The following SLC9A2 variants were observed in gnomAD, a reference collection of about 807,000 sequenced individuals.
SLC9A2 encodes the protein solute carrier family 9 member A2.
A neutral mutation model predicts 71.7 loss-of-function variants in SLC9A2; 42 were observed. The observed-to-expected ratio is 0.59, with a 90% CI of 0.46 to 0.76. The LOEUF (loss-of-function observed/expected upper bound fraction) is 0.76, where lower values mean the gene tolerates loss of function less well. SLC9A2 is among the 30% of genes least tolerant of loss of function. The pLI, the probability that SLC9A2 is intolerant of heterozygous loss-of-function variation, is 0.00. For synonymous variants in SLC9A2, 396 were observed against 392.5 expected (o/e 1.01, Z -0.10); for missense variants, 829 against 1,017.4 (o/e 0.81, Z 2.52).
intron 1 of SLC9A2, among the ~76,000 whole-genome samples, chr2:102,631,997 T>G (rs11123939): frequency 0.2 from 4,348 of 21,550 alleles, 759 homozygotes; most frequent in African/African-American, 0.55. Context: ...AAAGTGGGGA[T>G]ATATATATAT....
At position 102,709,050 on chromosome 2, in the gene SLC9A2, A is replaced by T. The variant is rs1197353742; in HGVS notation, c.*561A>T. On this transcript the variant is annotated 3_prime_UTR_variant, in exon 12 of 12. Coordinates refer to ENST00000233969, the MANE Select transcript of SLC9A2 (RefSeq NM_003048.6). ...TGGAAGCAGAGACACCTTATGACTC[A>T]AACTGGGCAAACAATCGGAACGTCA... is the stretch of plus-strand genomic sequence containing the variant. 1 of 153,496 alleles carries T rather than the reference A, an allele frequency of 6.5e-6. No homozygotes were observed. Among genetic ancestry groups the T allele is most frequent in the East Asian group, 1.9e-4 (1 of 5,334 alleles). 9.5% of individuals were successfully genotyped at this position (153,496 alleles called of 1,614,324 possible).
intron 1 of SLC9A2, among the ~76,000 whole-genome samples, chr2:102,650,319 G>C (rs781255576): frequency 6.6e-6 from 1 of 151,962 alleles, no homozygotes; most frequent in Non-Finnish European, 1.5e-5. Context: ...ACTGGGGCCT[G>C]TTGGTGGGGT....
intron 1 of SLC9A2, among the ~76,000 whole-genome samples, chr2:102,648,386 A>G (rs1198058940): frequency 6.6e-6 from 1 of 152,228 alleles, no homozygotes; most frequent in Non-Finnish European, 1.5e-5. Flanking sequence ...AGCCAATATC[A>G]TACTGAAAGG....
rs1283766713 is a variant in SLC9A2, at chr2:102,623,061, CTT to C, written c.289+2928_289+2929del. On this transcript the variant is annotated intron_variant, in intron 1 of 11. Coordinates refer to ENST00000233969, the MANE Select transcript of SLC9A2 (RefSeq NM_003048.6). ...GGTGTATTTGTCTCTCCACTAGCAT[CTT>C]TTTAGCCCAGATATGTTTATATTTC... is the stretch of plus-strand genomic sequence containing the variant. Among the ~76,000 whole-genome samples, 48 of 152,304 alleles carry C rather than the reference CTT, an allele frequency of 3.2e-4. 1 individual carries two copies. Among genetic ancestry groups the C allele is most frequent in the African/African-American group, 1.1e-3 (46 of 41,558 alleles).
intron 2 of SLC9A2, among the ~76,000 whole-genome samples, chr2:102,659,760 T>A (rs1677017137): frequency 6.6e-6 from 1 of 152,188 alleles, no homozygotes; most frequent in African/African-American, 2.4e-5. Flanking sequence ...TAGAGACATT[T>A]TATAACTCAT....
chr2:102,706,440 G>A (rs773658110), intron 11 of SLC9A2, among the ~76,000 whole-genome samples: 15 of 152,098 alleles, frequency 9.9e-5, no homozygotes, highest in Non-Finnish European at 1.6e-4. Context: ...TCGGGGGAGT[G>A]GGGAGGGATA....
chr2:102,704,809 G>C, intron 10 of SLC9A2, 134 bp downstream of exon 10: 1 of 894,174 alleles, frequency 1.1e-6, no homozygotes, highest in Non-Finnish European at 1.7e-6. Context: ...AGGAAGGCTG[G>C]GGTGGCCGGG....
chr2:102,665,381 G>A, intron 3 of SLC9A2, 31 bp downstream of exon 3: 1 of 1,586,882 alleles, frequency 6.3e-7, no homozygotes, highest in Non-Finnish European at 8.6e-7. Flanking sequence ...AGTGCTCGAT[G>A]ATGGCATTTC....
chr2:102,667,313 A>G (rs1413001771), intron 3 of SLC9A2, among the ~76,000 whole-genome samples: 1 of 152,142 alleles, frequency 6.6e-6, no homozygotes, highest in Non-Finnish European at 1.5e-5. Flanking sequence ...GGGACTTAGT[A>G]TCTAGTTTCC....
At position 102,683,324 on chromosome 2, in the gene SLC9A2, C is replaced by T. The variant is rs1406163570; in HGVS notation, c.1068C>T (p.Tyr356=). Reference sequence around the variant, plus strand: ...AAGAAAATGTATCTCAGAAATCCTACACGACCATCAAGTACTTCATGAAGA... The same window carrying T: ...AAGAAAATGTATCTCAGAAATCCTATACGACCATCAAGTACTTCATGAAGA... The part of the protein sequence containing the change: ...YVEENVSQKS[Y]TTIKYFMKML... The change falls in exon 4 of 12, where the codon TAC becomes TAT. Residue 356 remains tyrosine (Y), a synonymous_variant. Coordinates refer to ENST00000233969, the MANE Select transcript of SLC9A2 (RefSeq NM_003048.6). 1.6e-5 allele frequency: 26 copies of T among 1,613,920 alleles called. No individual in the cohort carries two copies. The highest frequency in any genetic ancestry group is 2.2e-5 in the Non-Finnish European group (26 of 1,179,884).
intron 1 of SLC9A2, among the ~76,000 whole-genome samples, chr2:102,626,244 A>G (rs1488666896): frequency 6.6e-6 from 1 of 152,216 alleles, no homozygotes; most frequent in Non-Finnish European, 1.5e-5. Flanking sequence ...ATGGAGCAGA[A>G]CACAGCCCTC....
intron 1 of SLC9A2, among the ~76,000 whole-genome samples, chr2:102,644,748 G>A (rs72828025): frequency 0.029 from 4,486 of 152,284 alleles, 106 homozygotes; most frequent in Non-Finnish European, 0.046. Flanking sequence ...TGCCTTTCTA[G>A]ATTCCTCCTC....
At chr2:102,705,964 T>A (rs766414266) in intron 11 of SLC9A2, 28 bp downstream of exon 11, 3 of 1,389,404 alleles carry the variant, frequency 2.2e-6, no homozygotes, top group East Asian at 2.4e-5. Context: ...AGCAGAAAAA[T>A]TTTAAATTTA....
rs535421764 is a variant in SLC9A2 at position 102,645,686 on chromosome 2, C to T, written c.290-11878C>T. Among the ~76,000 whole-genome samples, 30 of 151,514 alleles carry T rather than the reference C, an allele frequency of 2.0e-4. No homozygotes were observed. The South Asian group carries it at 2.5e-3, about 13-fold the overall frequency. The stretch of plus-strand genomic sequence containing the variant: ...AGTGTCAATAGCCGAATTAATCAAG[C>T]GGAAGAAAGGATATCAGAGATTGGA... On this transcript the variant is annotated intron_variant, in intron 1 of 11. Coordinates refer to ENST00000233969, the MANE Select transcript of SLC9A2 (RefSeq NM_003048.6).
intron 4 of SLC9A2, 54 bp downstream of exon 4, chr2:102,683,532 G>T (rs1286285683): frequency 1.5e-5 from 21 of 1,366,432 alleles, no homozygotes; most frequent in Non-Finnish European, 2.2e-5. Context: ...TAATTGAATG[G>T]GGCTTTCCTT....
At chr2:102,676,729 A>G (rs1453327056) in intron 3 of SLC9A2, among the ~76,000 whole-genome samples, 1 of 152,234 alleles carries the variant, frequency 6.6e-6, no homozygotes, top group African/African-American at 2.4e-5. Context: ...AATTTACTTC[A>G]CTTGAGTGAG....
chr2:102,653,020 T>C (rs1676864450), intron 1 of SLC9A2, among the ~76,000 whole-genome samples: 1 of 152,234 alleles, frequency 6.6e-6, no homozygotes, highest in Non-Finnish European at 1.5e-5. Context: ...CTTTTGTTTG[T>C]TGTCACTAAT....
At position 102,670,346 on chromosome 2, in the gene SLC9A2, G is replaced by A. The variant is rs1002492254; in HGVS notation, c.1004+4996G>A. ...CAGTATTTTTTAGTTCTGCTTTGATGGATTAATAATTCCTTAGTATTTCTT... is the reference window on the plus strand; with the variant it reads ...CAGTATTTTTTAGTTCTGCTTTGATAGATTAATAATTCCTTAGTATTTCTT... On this transcript the variant is annotated intron_variant, in intron 3 of 11. Coordinates refer to ENST00000233969, the MANE Select transcript of SLC9A2 (RefSeq NM_003048.6). Among the ~76,000 whole-genome samples the A allele has an allele frequency of 2.0e-5, 3 of 151,908 alleles. 1 individual carries two copies. Among genetic ancestry groups the A allele is most frequent in the Middle Eastern group, 3.4e-3 (1 of 294 alleles).
chr2:102,698,951 C>T (rs148132711), intron 7 of SLC9A2, among the ~76,000 whole-genome samples: 7 of 152,202 alleles, frequency 4.6e-5, no homozygotes, highest in Middle Eastern at 3.4e-3. Flanking sequence ...TTCTACCACA[C>T]GTGCTTACAG....
Sources: allele counts gnomAD v4.1 joint callset (sites outside exome capture counted in the v4.1 genomes callset), GRCh38; gene constraint gnomAD v4.1.1; transcripts MANE v1.5; gene names NCBI Gene and HGNC (gene_info 2026-07-23, HGNC 2026-07-21).